The following PEX14 variants were observed in gnomAD, a reference collection of about 807,000 sequenced individuals.
The protein encoded by PEX14 is peroxisomal biogenesis factor 14.
Under a neutral mutation model 49.5 loss-of-function variants are expected in PEX14, and 15 were observed. That is an observed-to-expected ratio of 0.30 (90% CI 0.20 to 0.47). The LOEUF (loss-of-function observed/expected upper bound fraction) is 0.47, where lower values mean the gene tolerates loss of function less well. Ranked by LOEUF, PEX14 falls within the 20% of genes least tolerant of loss-of-function variation. The probability of loss-of-function intolerance (pLI) is 1.00; values close to 1 mark genes in which losing one functional copy is unlikely to be tolerated. For missense variants in PEX14, 398 were observed against 494.8 expected (o/e 0.80, Z 1.86); for synonymous variants, 210 against 212.7 (o/e 0.99, Z 0.11).
intron 1 of PEX14, among the ~76,000 whole-genome samples, chr1:10,486,967 G>A (rs368647963): frequency 2.0e-5 from 3 of 151,706 alleles, no homozygotes; most frequent in South Asian, 2.1e-4. Flanking sequence ...GATTACAGGC[G>A]TGAGCCATTG....
intron 3 of PEX14, among the ~76,000 whole-genome samples, chr1:10,581,449 G>A (rs1367218351): frequency 1.3e-5 from 2 of 151,510 alleles, no homozygotes; most frequent in Admixed American, 1.3e-4. Flanking sequence ...GGGATTACAG[G>A]CGCCCGCCAC....
chr1:10,523,976 A>G (rs1638386188), intron 2 of PEX14, among the ~76,000 whole-genome samples: 1 of 152,146 alleles, frequency 6.6e-6, no homozygotes, highest in South Asian at 2.1e-4. Flanking sequence ...AACTGTTTAA[A>G]TGTGGAGTTT....
At chr1:10,548,225 CAAACA>C (rs1186799180) in intron 3 of PEX14, among the ~76,000 whole-genome samples, 1 of 152,084 alleles carries the variant, frequency 6.6e-6, no homozygotes, top group Non-Finnish European at 1.5e-5. Flanking sequence ...TCAAAACAAA[CAAACA>C]AAACAAAACA....
intron 2 of PEX14, among the ~76,000 whole-genome samples, chr1:10,519,397 G>A (rs1172909403): frequency 1.3e-5 from 2 of 152,204 alleles, no homozygotes; most frequent in Non-Finnish European, 1.5e-5. Context: ...AAGAGGGAGA[G>A]CGGGGGCAGT....
intron 3 of PEX14, among the ~76,000 whole-genome samples, chr1:10,576,967 C>G (rs2124560321): frequency 6.6e-6 from 1 of 152,010 alleles, no homozygotes; most frequent in Admixed American, 6.6e-5. Context: ...GTCTTTAACC[C>G]CTGACCTCAG....
chr1:10,495,310 C>T lies in PEX14; in HGVS notation c.73C>T (p.Arg25Ter). 1.9e-6 allele frequency: 3 copies of T among 1,613,620 alleles called. No homozygotes were observed. Among genetic ancestry groups the T allele is most frequent in the Non-Finnish European group, 2.5e-6 (3 of 1,179,634 alleles). Reference protein sequence around the residue: ...STPGSENVLPREPLIATAVKF... With the variant: ...STPGSENVLP ...TCCAGGAAGTGAAAATGTGCTGCCT[C>T]GAGAGCCGCTGGTAAGTACCCAAGA... The change falls in exon 2 of 9, where the codon CGA becomes TGA. Residue 25 changes from arginine to a stop codon, truncating the protein, a stop_gained. Coordinates refer to ENST00000356607, the MANE Select transcript of PEX14 (RefSeq NM_004565.3). LOFTEE classifies it high-confidence loss of function. The surrounding 1 kb of genome is among the most constrained non-coding windows in gnomAD (Gnocchi z 4.2).
chr1:10,613,507 G>A lies in PEX14; in HGVS notation c.299-4825G>A, dbSNP rs1641330152. On this transcript the variant is annotated intron_variant, in intron 4 of 8. Coordinates refer to ENST00000356607, the MANE Select transcript of PEX14 (RefSeq NM_004565.3). This position sits in a 1 kb window ranked among gnomAD's most constrained non-coding sequence, Gnocchi z 5.0. The stretch of plus-strand genomic sequence containing the variant: ...CCTCATTGCAGCCCACAGCGCCACA[G>A]CGTAGAGGCAGTCCAGGAAGGCCCA... Among the ~76,000 whole-genome samples, 1 of 152,196 alleles carries A rather than the reference G, an allele frequency of 6.6e-6. No individual in the cohort carries two copies.
intron 4 of PEX14, among the ~76,000 whole-genome samples, chr1:10,616,677 G>A (rs540140848): frequency 5.9e-5 from 9 of 152,300 alleles, no homozygotes; most frequent in African/African-American, 1.7e-4. Flanking sequence ...CAGTGGAGAC[G>A]GGGCTCTCCC....
At chr1:10,525,260 C>A (rs536553241) in intron 2 of PEX14, among the ~76,000 whole-genome samples, 1 of 151,926 alleles carries the variant, frequency 6.6e-6, no homozygotes, top group African/African-American at 2.4e-5. Flanking sequence ...TGGGTACAAT[C>A]TGATGATGGC....
chr1:10,602,857 C>G (rs1247494073), intron 4 of PEX14, among the ~76,000 whole-genome samples: 1 of 152,142 alleles, frequency 6.6e-6, no homozygotes, highest in East Asian at 1.9e-4. Context: ...CATGTGTGTT[C>G]CTGCCGATTT....
intron 1 of PEX14, among the ~76,000 whole-genome samples, chr1:10,492,489 G>A (rs1219160533): frequency 6.6e-6 from 1 of 152,208 alleles, no homozygotes; most frequent in Non-Finnish European, 1.5e-5. Flanking sequence ...TGTAGTACCA[G>A]TTACTATCTG....
At chr1:10,618,525 A>C in intron 5 of PEX14, 108 bp downstream of exon 5, 1 of 877,126 alleles carries the variant, frequency 1.1e-6, no homozygotes, top group Non-Finnish European at 1.9e-6. Context: ...TCTGCCCTGG[A>C]GTGTGTTGGC....
intron 3 of PEX14, among the ~76,000 whole-genome samples, chr1:10,556,450 G>A (rs1639492557): frequency 6.6e-6 from 1 of 152,146 alleles, no homozygotes; most frequent in Non-Finnish European, 1.5e-5. Context: ...TCTCTGTGCA[G>A]GGTTTCTATT....
intron 2 of PEX14, among the ~76,000 whole-genome samples, chr1:10,519,080 G>A (rs762053784): frequency 6.6e-6 from 1 of 152,048 alleles, no homozygotes; most frequent in African/African-American, 2.4e-5. Flanking sequence ...TCCAACAGGG[G>A]GTGAATGATT....
intron 2 of PEX14, among the ~76,000 whole-genome samples, chr1:10,505,325 G>C (rs1317519114): frequency 6.6e-6 from 1 of 151,994 alleles, no homozygotes; most frequent in Non-Finnish European, 1.5e-5. Flanking sequence ...GCAAAAATTA[G>C]TGGGACATGT....
chr1:10,610,709 T>C (rs896422827), intron 4 of PEX14, among the ~76,000 whole-genome samples: 7 of 152,158 alleles, frequency 4.6e-5, no homozygotes, highest in Non-Finnish European at 1.0e-4. Flanking sequence ...GGTCTCGAAC[T>C]CCTGAACTCC....
intron 3 of PEX14, among the ~76,000 whole-genome samples, chr1:10,583,427 G>A (rs1159227778): frequency 7.6e-6 from 1 of 131,180 alleles, no homozygotes; most frequent in African/African-American, 2.8e-5. Flanking sequence ...GCACTATGTT[G>A]TCCAGGCTGG....
At chr1:10,598,604 C>T (rs1640893851) in intron 3 of PEX14, among the ~76,000 whole-genome samples, 1 of 152,202 alleles carries the variant, frequency 6.6e-6, no homozygotes, top group Non-Finnish European at 1.5e-5. Flanking sequence ...GCGATACAGG[C>T]AGCGTGTGAT....
chr1:10,535,757 G>T, intron 2 of PEX14: 1 of 295,414 alleles, frequency 3.4e-6, no homozygotes. Flanking sequence ...GACTATAAAA[G>T]GGCTGTGCTG....
Sources: gnomAD v4.1 joint callset for allele counts (sites outside exome capture counted in the v4.1 genomes callset) on GRCh38, gnomAD v4.1.1 for gene constraint, Gnocchi (gnomAD v3.1) non-coding constraint, MANE v1.5 for transcripts, NCBI Gene and HGNC (gene_info 2026-07-23, HGNC 2026-07-21) for gene names.